SHISA9: variants seen among roughly 807,000 people sequenced by gnomAD.
The protein encoded by SHISA9 is shisa family member 9.
A neutral mutation model predicts 38.0 loss-of-function variants in SHISA9; 13 were observed. The observed-to-expected ratio is 0.34, with a 90% CI of 0.22 to 0.54. The LOEUF (loss-of-function observed/expected upper bound fraction) is 0.54, where lower values mean the gene tolerates loss of function less well. Among genes scored for constraint, SHISA9 ranks in the 20% least tolerant of loss-of-function variants. The probability of loss-of-function intolerance (pLI) is 0.91; values close to 1 mark genes in which losing one functional copy is unlikely to be tolerated. For missense variants in SHISA9, 538 were observed against 575.8 expected, an observed-to-expected ratio of 0.93 and a Z score of 0.67; for synonymous variants, 275 against 242.0, an observed-to-expected ratio of 1.14 and a Z score of -1.27.
At chr16:13,367,708 GCGCGCACACACACACACACA>G in the SHISA9 span, among the ~76,000 whole-genome samples, 12 of 116,630 alleles carry the variant, frequency 1.0e-4, no homozygotes, top group South Asian at 5.8e-4. Context: ...GCGCGCGCGC[GCGCGCACACACACACACACA>G]CACACACACA....
chr16:13,492,935 GC>G, the SHISA9 span, among the ~76,000 whole-genome samples: 4 of 152,170 alleles, frequency 2.6e-5, no homozygotes, highest in East Asian at 7.7e-4. Context: ...GGCCTCTGTG[GC>G]TAGAGAGAAG....
chr16:13,032,892 A>G (rs1454660000), intron 2 of SHISA9, among the ~76,000 whole-genome samples: 1 of 152,224 alleles, frequency 6.6e-6, no homozygotes, highest in African/African-American at 2.4e-5. Context: ...TAGCTAAGAC[A>G]AAAAGCTTGT....
the SHISA9 span, among the ~76,000 whole-genome samples, chr16:13,465,465 C>A: frequency 6.6e-6 from 1 of 152,154 alleles, no homozygotes; most frequent in African/African-American, 2.4e-5. Context: ...GAAAAGATAT[C>A]ACCTTAAGCC....
At chr16:13,024,990 A>T (rs1165110360) in intron 2 of SHISA9, among the ~76,000 whole-genome samples, 2 of 152,292 alleles carry the variant, frequency 1.3e-5, no homozygotes, top group African/African-American at 4.8e-5. Flanking sequence ...TATCTCATGC[A>T]TGCTCATAAT....
At chr16:13,101,311 G>A (rs575111542) in intron 2 of SHISA9, among the ~76,000 whole-genome samples, 4 of 152,324 alleles carry the variant, frequency 2.6e-5, no homozygotes, top group African/African-American at 9.6e-5. Flanking sequence ...GATGACAGAT[G>A]TGTTAATTAG....
At chr16:13,485,699 G>A in the SHISA9 span, among the ~76,000 whole-genome samples, 4 of 152,072 alleles carry the variant, frequency 2.6e-5, no homozygotes, top group Non-Finnish European at 5.9e-5. Context: ...ATAAGTTATT[G>A]TTAACTCTAA....
chr16:13,043,388 T>A (rs565972965), intron 2 of SHISA9, among the ~76,000 whole-genome samples: 1 of 152,348 alleles, frequency 6.6e-6, no homozygotes, highest in South Asian at 2.1e-4. Context: ...ACGGGCTTAG[T>A]AAACAGCTAG....
At chr16:13,040,482 CTCTT>C (rs2073121075) in intron 2 of SHISA9, among the ~76,000 whole-genome samples, 1 of 152,222 alleles carries the variant, frequency 6.6e-6, no homozygotes, top group South Asian at 2.1e-4. Context: ...CCCTGCCAGT[CTCTT>C]TCTTTTGCAT....
At chr16:13,108,518 G>T (rs915692264) in intron 2 of SHISA9, among the ~76,000 whole-genome samples, 1 of 151,934 alleles carries the variant, frequency 6.6e-6, no homozygotes, top group Non-Finnish European at 1.5e-5. Flanking sequence ...TCCCACTTTG[G>T]ACTCCCAAAG....
At chr16:13,529,846 A>G in the SHISA9 span, among the ~76,000 whole-genome samples, 1 of 152,164 alleles carries the variant, frequency 6.6e-6, no homozygotes, top group Non-Finnish European at 1.5e-5. Context: ...TGAGAGGCCA[A>G]TCCCACCCAC....
the SHISA9 span, among the ~76,000 whole-genome samples, chr16:13,497,486 C>T: frequency 5.1e-4 from 77 of 152,102 alleles, 2 homozygotes; most frequent in South Asian, 0.015. Flanking sequence ...GAGTTTGAGA[C>T]CAGCCTGGCC....
the SHISA9 span, among the ~76,000 whole-genome samples, chr16:13,402,638 A>T: frequency 6.7e-5 from 10 of 149,398 alleles, no homozygotes; most frequent in African/African-American, 2.2e-4. Flanking sequence ...CAGCCTCCCC[A>T]GTAGCTGGGA....
At chr16:13,247,773 T>A in the SHISA9 span, among the ~76,000 whole-genome samples, 3 of 152,232 alleles carry the variant, frequency 2.0e-5, no homozygotes, top group African/African-American at 7.2e-5. Context: ...GAATTTTTCC[T>A]TTTTGCAAGT....
the SHISA9 span, among the ~76,000 whole-genome samples, chr16:13,429,260 C>A: frequency 1.3e-5 from 2 of 152,328 alleles, no homozygotes; most frequent in Admixed American, 1.3e-4. Flanking sequence ...CAAAATACCA[C>A]AAACTGGGTG....
chr16:13,380,575 G>T, the SHISA9 span, among the ~76,000 whole-genome samples: 1 of 152,142 alleles, frequency 6.6e-6, no homozygotes, highest in African/African-American at 2.4e-5. Context: ...CTTCAAATTT[G>T]CAAGTTTTCA....
At chr16:12,903,205 C>T (rs1053513804) in intron 1 of SHISA9, among the ~76,000 whole-genome samples, 11 of 152,180 alleles carry the variant, frequency 7.2e-5, no homozygotes, top group East Asian at 3.9e-4. Context: ...CCTCGCTTTC[C>T]CAGAGCTTCG....
At position 13,167,658 on chromosome 16, in the gene SHISA9, C is replaced by T. The variant is rs374087905; in HGVS notation, c.692-35736C>T. Reference sequence around the variant, plus strand: ...CTCATGAGATCTGGTTGTTTAAAAGCATGTAGCACCTTCCCCCCTTCTCTC... The same window carrying T: ...CTCATGAGATCTGGTTGTTTAAAAGTATGTAGCACCTTCCCCCCTTCTCTC... On this transcript the variant is annotated intron_variant, in intron 2 of 4. Transcript: ENST00000558583. Among the ~76,000 whole-genome samples, 7 of 152,246 alleles carry T rather than the reference C, an allele frequency of 4.6e-5. No individual in the cohort carries two copies. In the East Asian group the frequency reaches 1.4e-3, roughly 30 times the overall value.
At chr16:13,315,060 CTG>C in the SHISA9 span, among the ~76,000 whole-genome samples, 7 of 143,520 alleles carry the variant, frequency 4.9e-5, no homozygotes, top group Non-Finnish European at 1.1e-4. Flanking sequence ...TTGAAATGAT[CTG>C]TGTGTGCACC....
chr16:12,956,838 A>C (rs1417249618), intron 2 of SHISA9, among the ~76,000 whole-genome samples: 1 of 152,120 alleles, frequency 6.6e-6, no homozygotes, highest in African/African-American at 2.4e-5. Flanking sequence ...CAAAATACCT[A>C]TATACCCCCC....
Sources: gnomAD v4.1 joint callset for allele counts (sites outside exome capture counted in the v4.1 genomes callset) on GRCh38, gnomAD v4.1.1 for gene constraint, MANE v1.5 for transcripts, NCBI Gene and HGNC (gene_info 2026-07-23, HGNC 2026-07-21) for gene names.